The following FAM120A variants were observed in gnomAD, a reference collection of about 807,000 sequenced individuals.
FAM120A encodes the protein family with sequence similarity 120 member A, also known as constitutive coactivator of PPAR-gamma-like protein 1.
Under a neutral mutation model 109.7 loss-of-function variants are expected in FAM120A, and 15 were observed. The observed-to-expected ratio is 0.14, with a 90% CI of 0.09 to 0.21. FAM120A has a LOEUF of 0.21. Ranked by LOEUF, FAM120A falls within the 10% of genes least tolerant of loss-of-function variation. The pLI, the probability that FAM120A is intolerant of heterozygous loss-of-function variation, is 1.00. For synonymous variants in FAM120A, 493 were observed against 572.8 expected, an observed-to-expected ratio of 0.86 and a Z score of 1.99; for missense variants, 899 against 1,439.3, an observed-to-expected ratio of 0.62 and a Z score of 6.07.
At chr9:93,561,767 T>C (rs1862476279) in intron 16 of FAM120A, among the ~76,000 whole-genome samples, 1 of 151,934 alleles carries the variant, frequency 6.6e-6, no homozygotes, top group South Asian at 2.1e-4. Context: ...AACCATTAAA[T>C]AATTAACAAT....
rs1196870096 is a variant in FAM120A at position 93,452,413 on chromosome 9, C to T, written c.474+24C>T. ...AGGTGAGGCCGGGGATCCGGGCGGG[C>T]CGGGGACCGGGGCCGCGCCGCACCC... On this transcript the variant is annotated intron_variant, in intron 1 of 17. Coordinates refer to ENST00000277165, the MANE Select transcript of FAM120A (RefSeq NM_014612.5). The surrounding 1 kb of genome is among the most constrained non-coding windows in gnomAD (Gnocchi z 7.0). 5 of 1,583,614 alleles carry T rather than the reference C, an allele frequency of 3.2e-6. No individual in the cohort carries two copies. Among genetic ancestry groups the T allele is most frequent in the Non-Finnish European group, 4.3e-6 (5 of 1,166,256 alleles).
chr9:93,452,010 T>TGGGCGGC lies in FAM120A; in HGVS notation c.103_109dup (p.Gln37ArgfsTer130). 1 of 1,554,814 alleles carries TGGGCGGC rather than the reference T, an allele frequency of 6.4e-7. No homozygotes were observed. Among genetic ancestry groups the TGGGCGGC allele is most frequent in the Non-Finnish European group, 8.7e-7 (1 of 1,150,684 alleles). ...CAGAAGCTGGCCCGGGGCAGCCTGG[T>TGGGCGGC]GGGCGGCGGGCGGCAGCGGCCCCCG... On this transcript the variant is annotated frameshift_variant, in exon 1 of 18. Transcript: ENST00000277165. LOFTEE classifies it high-confidence loss of function. This position sits in a 1 kb window ranked among gnomAD's most constrained non-coding sequence, Gnocchi z 7.0.
chr9:93,468,992 G>A (rs1229567500), intron 1 of FAM120A, among the ~76,000 whole-genome samples: 1 of 152,224 alleles, frequency 6.6e-6, no homozygotes, highest in African/African-American at 2.4e-5. Flanking sequence ...TTGGAACACA[G>A]TGGGTCCCTC....
intron 2 of FAM120A, among the ~76,000 whole-genome samples, chr9:93,475,789 T>C (rs1858523476): frequency 6.6e-6 from 1 of 152,226 alleles, no homozygotes; most frequent in Non-Finnish European, 1.5e-5. Flanking sequence ...CAGCAGTCAT[T>C]GTCATTTAAT....
intron 3 of FAM120A, among the ~76,000 whole-genome samples, chr9:93,490,747 T>G (rs1859277300): frequency 6.6e-6 from 1 of 152,226 alleles, no homozygotes; most frequent in Non-Finnish European, 1.5e-5. Context: ...GAAGAGATTG[T>G]TTTCTTTGGA....
At chr9:93,462,223 A>G (rs1270289436) in intron 1 of FAM120A, among the ~76,000 whole-genome samples, 6 of 152,220 alleles carry the variant, frequency 3.9e-5, no homozygotes, top group Non-Finnish European at 8.8e-5. Context: ...GTGGTAAAAT[A>G]CACCTAACAT....
chr9:93,506,992 C>T (rs1040857946), intron 5 of FAM120A, among the ~76,000 whole-genome samples: 1 of 152,100 alleles, frequency 6.6e-6, no homozygotes. Context: ...TCATCTTAAC[C>T]CTTAGCATTA....
chr9:93,527,173 G>T lies in FAM120A; in HGVS notation c.1437G>T (p.Lys479Asn). 6.2e-7 allele frequency: 1 copy of T among 1,614,106 alleles called. No individual in the cohort carries two copies. Among genetic ancestry groups the T allele is most frequent in the South Asian group, 1.1e-5 (1 of 91,082 alleles). Residue 479 changes from lysine (K) to asparagine (N), a missense_variant, in exon 8 of 18, where the codon AAG becomes AAT. Physicochemically the swap from Lys to Asn is moderately conservative, Grantham distance 94 (BLOSUM62 0). Transcript: ENST00000277165. ...GGATNHISGN[K>N]IGWEKTGSHS... ...TGTTTAGCCATATCAGCGGGAACAA[G>T]ATTGGCTGGGAGAAGACGGGAAGCC...
In FAM120A at chr9:93,452,934, G is replaced by C; in HGVS notation, c.474+545G>C. ...CGGTGACAGCGAGACGTGTCTAAGG[G>C]CCAGTGCCCTGGCCTCTACTTCAGA... On this transcript the variant is annotated intron_variant, in intron 1 of 17. Coordinates refer to ENST00000277165, the MANE Select transcript of FAM120A (RefSeq NM_014612.5). This position sits in a 1 kb window ranked among gnomAD's most constrained non-coding sequence, Gnocchi z 7.0. 3 of 1,413,732 alleles carry C rather than the reference G, an allele frequency of 2.1e-6. No homozygotes were observed. Among genetic ancestry groups the C allele is most frequent in the Non-Finnish European group, 2.8e-6 (3 of 1,090,080 alleles). 87.6% of individuals were successfully genotyped at this position (1,413,732 alleles called of 1,614,324 possible). A position where few individuals can be genotyped will look rare whatever the true frequency, so the allele number is the denominator to read the frequency against.
chr9:93,511,895 C>T (rs10118955), intron 5 of FAM120A, among the ~76,000 whole-genome samples: 3,355 of 152,256 alleles, frequency 0.022, 118 homozygotes, highest in African/African-American at 0.076. Context: ...AGGGTTCAAG[C>T]GATTTTCAGC....
intron 3 of FAM120A, among the ~76,000 whole-genome samples, chr9:93,487,533 T>C (rs532805632): frequency 6.6e-6 from 1 of 152,360 alleles, no homozygotes; most frequent in South Asian, 2.1e-4. Context: ...AAATATACTA[T>C]TAATCTTTGC....
In FAM120A at chr9:93,467,087, G is replaced by GT. The variant is rs1486527952; in HGVS notation, c.475-4048dup. Among the ~76,000 whole-genome samples the GT allele has an allele frequency of 2.6e-5, 4 of 152,210 alleles. No individual in the cohort carries two copies. The East Asian group carries it at 5.8e-4, about 22-fold the overall frequency. Reference sequence around the variant, plus strand: ...CATCCCCTGACACCCAGGTTGATTTGTTTTTTCATTTGCATACATTAAAGT... The same window carrying GT: ...CATCCCCTGACACCCAGGTTGATTTGTTTTTTTCATTTGCATACATTAAAGT... On this transcript the variant is annotated intron_variant, in intron 1 of 17. Coordinates refer to ENST00000277165, the MANE Select transcript of FAM120A (RefSeq NM_014612.5).
At chr9:93,537,250 T>G (rs1260408212) in intron 10 of FAM120A, among the ~76,000 whole-genome samples, 3 of 152,184 alleles carry the variant, frequency 2.0e-5, no homozygotes, top group African/African-American at 7.2e-5. Context: ...TCCCAGTCAC[T>G]GGGGTTCTTT....
chr9:93,542,342 C>T (rs1167553376), intron 10 of FAM120A, among the ~76,000 whole-genome samples: 9 of 152,216 alleles, frequency 5.9e-5, no homozygotes, highest in Non-Finnish European at 1.5e-5. Context: ...TGGGTTGTTA[C>T]CTCAGTGCAG....
rs750537589 is a variant in FAM120A at position 93,543,513 on chromosome 9, G to A, written c.2159+42G>A. 32 of 1,599,700 alleles carry A rather than the reference G, an allele frequency of 2.0e-5. 1 individual carries two copies. The South Asian group carries it at 3.6e-4, about 18-fold the overall frequency. ...GGAGCTGGGACCTGGGTCCCCGCCA[G>A]GTGTAGGGGCCATGACCATGGTGTC... is the stretch of plus-strand genomic sequence containing the variant. On this transcript the variant is annotated intron_variant, in intron 11 of 17. Transcript: ENST00000277165.
intron 8 of FAM120A, 68 bp downstream of exon 8, chr9:93,527,310 T>C: frequency 9.1e-7 from 1 of 1,102,748 alleles, no homozygotes; most frequent in Non-Finnish European, 1.4e-6. Flanking sequence ...GTATTAGTGA[T>C]CAAATAGTGA....
chr9:93,535,600 G>A (rs1861485883), intron 10 of FAM120A, among the ~76,000 whole-genome samples: 1 of 152,206 alleles, frequency 6.6e-6, no homozygotes, highest in Admixed American at 6.5e-5. Context: ...CAGTGGGTGA[G>A]ATTTTTGTAA....
intron 7 of FAM120A, among the ~76,000 whole-genome samples, chr9:93,516,482 A>G (rs1349838248): frequency 1.3e-5 from 2 of 152,180 alleles, no homozygotes; most frequent in African/African-American, 2.4e-5. Flanking sequence ...TAAAATCTGC[A>G]CTATCCCAGC....
chr9:93,529,235 G>A, intron 8 of FAM120A, 118 bp from the exon 9 acceptor site: 2 of 892,778 alleles, frequency 2.2e-6, no homozygotes, highest in Non-Finnish European at 3.3e-6. Context: ...GTCTCTCTAA[G>A]ACAGGACTCA....
Sources: gnomAD v4.1 joint callset for allele counts (sites outside exome capture counted in the v4.1 genomes callset) on GRCh38, gnomAD v4.1.1 for gene constraint, Gnocchi (gnomAD v3.1) non-coding constraint, MANE v1.5 for transcripts, NCBI Gene and HGNC (gene_info 2026-07-23, HGNC 2026-07-21) for gene names.